The following CERS2 variants were observed in gnomAD, a reference collection of about 807,000 sequenced individuals.
CERS2 encodes LAG1 homolog, ceramide synthase 2.
Under a neutral mutation model 56.6 loss-of-function variants are expected in CERS2, and 20 were observed. The ratio of observed to expected loss-of-function variants is 0.35; its 90% CI spans 0.25 to 0.51. The LOEUF (loss-of-function observed/expected upper bound fraction) is 0.51. Among genes scored for constraint, CERS2 ranks in the 20% least tolerant of loss-of-function variants. CERS2 has a pLI of 0.96. For synonymous variants in CERS2, 187 were observed against 175.4 expected (o/e 1.07, Z -0.52); for missense variants, 361 against 488.6 (o/e 0.74, Z 2.46).
In CERS2 at chr1:150,967,260, T is replaced by C. The variant is rs1007720594; in HGVS notation, c.613-58A>G. 3.2e-5 allele frequency: 51 copies of C among 1,583,348 alleles called. No individual in the cohort carries two copies. The Admixed American group carries it at 4.2e-4, about 13-fold the overall frequency. On this transcript the variant is annotated intron_variant, in intron 7 of 10. Coordinates refer to ENST00000368954, the MANE Select transcript of CERS2 (RefSeq NM_022075.5). ...TTTATTCCCCAGCTCTCACTATGCCTTCTTACCCCTTGCCTTTGGTTCCCC... is the reference window on the plus strand; with the variant it reads ...TTTATTCCCCAGCTCTCACTATGCCCTCTTACCCCTTGCCTTTGGTTCCCC...
intron 4 of CERS2, 75 bp from the exon 5 acceptor site, chr1:150,967,952 C>T: frequency 1.4e-6 from 2 of 1,398,544 alleles, no homozygotes; most frequent in South Asian, 1.2e-5. Flanking sequence ...CCTGCAGATA[C>T]CCTCACAAGA....
Position 150,968,180 on chromosome 1 carries a change from G to A in CERS2, c.313C>T (p.Arg105Trp), listed in dbSNP as rs759901901. 6.2e-6 allele frequency: 10 copies of A among 1,609,284 alleles called. No individual in the cohort carries two copies. Among genetic ancestry groups the A allele is most frequent in the Admixed American group, 1.7e-5 (1 of 60,020 alleles). The change falls in exon 4 of 11, where the codon CGG (arginine) becomes TGG (tryptophan). Residue 105 changes from arginine to tryptophan, a missense_variant. Arg to Trp is a moderately radical substitution (Grantham distance 101, BLOSUM62 -3). Transcript: ENST00000368954. Reference protein sequence around the residue: ...PKQVEVELLSRQSGLSGRQVE... With the variant: ...PKQVEVELLSWQSGLSGRQVE... ...TGGCGGCCAGAGAGCCCGCTCTGCC[G>A]GGACAAAAGCTCTACTTCCACCTGG...
intron 7 of CERS2, 86 bp from the exon 8 acceptor site, chr1:150,967,288 A>G: frequency 6.8e-7 from 1 of 1,476,618 alleles, no homozygotes; most frequent in South Asian, 1.1e-5. Flanking sequence ...GGTTCCCCAT[A>G]TACCAACAGC....
At position 150,966,949 on chromosome 1, in the gene CERS2, C is replaced by CT. The variant is rs1280419180; in HGVS notation, c.742-88dup. ...TACACTCCAGTTAGGAGCACTGACT[C>CT]TGTGCCCTCCTCCTTGGTCCCAGGA... On this transcript the variant is annotated intron_variant, in intron 8 of 10. Coordinates refer to ENST00000368954, the MANE Select transcript of CERS2 (RefSeq NM_022075.5). The CT allele has an allele frequency of 3.5e-6, 5 of 1,432,136 alleles. No individual in the cohort carries two copies. The African/African-American group carries it at 4.2e-5, about 12-fold the overall frequency. The allele number at this position is 1,432,136 out of a possible 1,614,324, so 88.7% of individuals were successfully genotyped here. A position where few individuals can be genotyped will look rare whatever the true frequency, so the allele number is the denominator to read the frequency against.
Position 150,966,799 on chromosome 1 carries a change from C to T in CERS2, c.805G>A (p.Ala269Thr), listed in dbSNP as rs1295903061. ...NTCNNIFIVF[A>T]IVFIITRLVI... ...AGTCGGGTGATGATAAAAACAATGG[C>T]GAAGACGATGAAGATGTTGTTGCAG... is the stretch of plus-strand genomic sequence containing the variant. Residue 269 changes from alanine (A) to threonine (T), a missense_variant, in exon 9 of 11, where the codon GCC becomes ACC. Physicochemically the swap from Ala to Thr is moderately conservative, Grantham distance 58. This residue lies in a region of CERS2 where 122 missense variants were observed against 151.9 expected (regional missense o/e 0.80). Coordinates refer to ENST00000368954, the MANE Select transcript of CERS2 (RefSeq NM_022075.5). 1.9e-6 allele frequency: 3 copies of T among 1,614,010 alleles called. No homozygotes were observed. The highest frequency in any genetic ancestry group is 4.5e-5 in the East Asian group (2 of 44,880).
chr1:150,967,910 G>A, intron 4 of CERS2, 33 bp from the exon 5 acceptor site: 2 of 1,561,846 alleles, frequency 1.3e-6, no homozygotes, highest in Non-Finnish European at 1.8e-6. Context: ...CTAGGTCAGA[G>A]GATAGCACAG....
At chr1:150,966,353 CT>C in intron 10 of CERS2, 65 bp from the exon 11 acceptor site, 1 of 1,599,500 alleles carries the variant, frequency 6.3e-7, no homozygotes, top group African/African-American at 1.4e-5. Context: ...CTGCTTCTCT[CT>C]GAGGGCTTGT....
Position 150,966,008 on chromosome 1 carries a change from ACAAG to A in CERS2, c.*136_*139del, listed in dbSNP as rs769608754. On this transcript the variant is annotated 3_prime_UTR_variant, in exon 11 of 11. Transcript: ENST00000368954. ...AATTTGGTTTAAAGGCAACTGGGTG[ACAAG>A]CAAGGAGGGAGGATGCAGAGAACTC... 17 of 907,544 alleles carry A rather than the reference ACAAG, an allele frequency of 1.9e-5. No individual in the cohort carries two copies. Among genetic ancestry groups the A allele is most frequent in the Non-Finnish European group, 2.6e-5 (16 of 616,680 alleles). 56.2% of individuals were successfully genotyped at this position (907,544 alleles called of 1,614,324 possible).
rs587631147 is a variant in CERS2, at chr1:150,967,914, A to C, written c.411-37T>G. 30 of 1,553,352 alleles carry C rather than the reference A, an allele frequency of 1.9e-5. No individual in the cohort carries two copies. In the African/African-American group the frequency reaches 3.8e-4, roughly 20 times the overall value. On this transcript the variant is annotated intron_variant, in intron 4 of 10. Coordinates refer to ENST00000368954, the MANE Select transcript of CERS2 (RefSeq NM_022075.5). ...AGCAGAAATGGCTAGGTCAGAGGAT[A>C]GCACAGTCCCCCAGCAGCCCCCAAA...
intron 3 of CERS2, 45 bp downstream of exon 3, chr1:150,968,350 C>T: frequency 6.4e-7 from 1 of 1,551,786 alleles, no homozygotes; most frequent in Non-Finnish European, 8.9e-7. Context: ...CCCCCCACCA[C>T]CAAACTCAGT....
chr1:150,967,969 T>G, intron 4 of CERS2, 92 bp from the exon 5 acceptor site: 2 of 1,382,390 alleles, frequency 1.4e-6, no homozygotes, highest in Admixed American at 3.4e-5. Flanking sequence ...AAGATACCAT[T>G]AATAACTGAA....
chr1:150,967,176 A>G lies in CERS2; in HGVS notation c.639T>C (p.His213=), dbSNP rs1366156254. ...RKDFKEQIIH[H]VATIILISFS... The stretch of plus-strand genomic sequence containing the variant: ...AGCTGATGAGAATGATGGTGGCCAC[A>G]TGGTGGATGATCTGTTCCTTGAAAT... The change falls in exon 8 of 11, where the codon CAT becomes CAC. Residue 213 remains histidine, a synonymous_variant. Coordinates refer to ENST00000368954, the MANE Select transcript of CERS2 (RefSeq NM_022075.5). The G allele has an allele frequency of 2.5e-5, 40 of 1,613,804 alleles. No individual in the cohort carries two copies. The highest frequency in any genetic ancestry group is 3.1e-5 in the Non-Finnish European group (36 of 1,179,798).
chr1:150,970,227 CAAA>C (rs35333038), intron 1 of CERS2, among the ~76,000 whole-genome samples: 13,702 of 48,486 alleles, frequency 0.28, 275 homozygotes, highest in Non-Finnish European at 0.33. Flanking sequence ...GACTCTGTCT[CAAA>C]AAAAAAAAAA....
chr1:150,968,517 G>T lies in CERS2; in HGVS notation c.174-5C>A, dbSNP rs1328221930. On this transcript the variant is annotated splice_polypyrimidine_tract_variant and splice_region_variant and intron_variant, in intron 2 of 10. Transcript: ENST00000368954. ...GCCAGTGGTGTAGCCACGTACCTGG[G>T]GAAGGGATATGAGTAAGGTATCTAG... 3 of 1,605,744 alleles carry T rather than the reference G, an allele frequency of 1.9e-6. No individual in the cohort carries two copies. The highest frequency in any genetic ancestry group is 2.6e-6 in the Non-Finnish European group (3 of 1,172,522).
intron 4 of CERS2, 84 bp from the exon 5 acceptor site, chr1:150,967,961 G>A: frequency 7.2e-7 from 1 of 1,391,140 alleles, no homozygotes; most frequent in African/African-American, 1.4e-5. Context: ...ACCCTCACAA[G>A]ATACCATTAA....
chr1:150,972,129 G>A (rs1328582953), intron 1 of CERS2, among the ~76,000 whole-genome samples: 1 of 152,208 alleles, frequency 6.6e-6, no homozygotes, highest in African/African-American at 2.4e-5. Context: ...CCTGGGCAGT[G>A]CAACTTCCTC....
chr1:150,971,143 TC>T (rs1406058151), intron 1 of CERS2, among the ~76,000 whole-genome samples: 3 of 152,192 alleles, frequency 2.0e-5, no homozygotes, highest in African/African-American at 7.2e-5. Context: ...GACAGTCTTT[TC>T]CAGGCTCCCC....
rs1671090131 is a variant in CERS2 at position 150,968,530 on chromosome 1, G to C, written c.174-18C>G. 6.4e-7 allele frequency: 1 copy of C among 1,564,722 alleles called. No homozygotes were observed. Among genetic ancestry groups the C allele is most frequent in the South Asian group, 1.1e-5 (1 of 90,122 alleles). The stretch of plus-strand genomic sequence containing the variant: ...CCACGTACCTGGGGAAGGGATATGA[G>C]TAAGGTATCTAGCTTGCTGGGAAGG... On this transcript the variant is annotated intron_variant, in intron 2 of 10. Coordinates refer to ENST00000368954, the MANE Select transcript of CERS2 (RefSeq NM_022075.5).
chr1:150,968,896 G>C, intron 2 of CERS2, 22 bp downstream of exon 2: 1 of 1,606,190 alleles, frequency 6.2e-7, no homozygotes, highest in Non-Finnish European at 8.5e-7. Flanking sequence ...GGGAAGGCAT[G>C]AGGGTAGGCT....
Sources: gnomAD v4.1 joint callset for allele counts (sites outside exome capture counted in the v4.1 genomes callset) on GRCh38, gnomAD v4.1.1 for gene constraint, gnomAD v4.1.1 regional missense constraint, MANE v1.5 for transcripts, NCBI Gene and HGNC (gene_info 2026-07-23, HGNC 2026-07-21) for gene names.